ERCC2: variants seen among roughly 807,000 people sequenced by gnomAD.
ERCC2 encodes general transcription and DNA repair factor IIH helicase subunit XPD.
In ERCC2, 90 loss-of-function variants were observed where a neutral mutation model predicts 99.4. That is an observed-to-expected ratio of 0.91 (90% CI 0.76 to 1.08). The LOEUF is 1.08. Among genes scored for constraint, ERCC2 ranks in the 50% least tolerant of loss-of-function variants. The pLI, the probability that ERCC2 is intolerant of heterozygous loss-of-function variation, is 0.00. For synonymous variants in ERCC2, 497 were observed against 432.4 expected, an observed-to-expected ratio of 1.15 and a Z score of -1.85; for missense variants, 993 against 1,038.1, an observed-to-expected ratio of 0.96 and a Z score of 0.60.
At position 45,354,768 on chromosome 19, in the gene ERCC2, G is replaced by A. The variant is rs866704383; in HGVS notation, c.1627C>T (p.Gln543Ter). Residue 543 changes from glutamine to a stop codon, truncating the protein, a stop_gained, in exon 17 of 23, where the codon CAG (glutamine) becomes TAG (stop). Coordinates refer to ENST00000391945, the MANE Select transcript of ERCC2 (RefSeq NM_000400.4). LOFTEE classifies it high-confidence loss of function. ...GAGGCCACGGTGCTCTCCATGTACT[G>A]GTAGCTGGTGAAGAAGGCCACGATG... The part of the protein sequence containing the change: ...DGIVAFFTSY[Q>*]YMESTVASWY... 1.2e-6 allele frequency: 2 copies of A among 1,614,060 alleles called. No individual in the cohort carries two copies. Among genetic ancestry groups the A allele is most frequent in the Non-Finnish European group, 1.7e-6 (2 of 1,179,972 alleles).
At chr19:45,354,336 C>CCTTAATTCTCTAGAATTCCTCT (rs1971938640) in intron 17 of ERCC2, among the ~76,000 whole-genome samples, 1 of 152,196 alleles carries the variant, frequency 6.6e-6, no homozygotes, top group African/African-American at 2.4e-5. Context: ...CTTGGTCCAG[C>CCTTAATTCTCTAGAATTCCTCT]CTTAATTCTC....
intron 11 of ERCC2, among the ~76,000 whole-genome samples, chr19:45,362,375 G>A (rs892051449): frequency 1.3e-5 from 2 of 152,172 alleles, no homozygotes; most frequent in South Asian, 2.1e-4. Context: ...ACACGGTGTC[G>A]GAACCCCATG....
intron 5 of ERCC2, among the ~76,000 whole-genome samples, chr19:45,366,739 T>C: frequency 6.6e-6 from 1 of 152,204 alleles, no homozygotes; most frequent in Non-Finnish European, 1.5e-5. Context: ...CCGAGGCCTG[T>C]GCTCTTTGTC....
At position 45,352,214 on chromosome 19, in the gene ERCC2, G is replaced by A. The variant is rs368866996; in HGVS notation, c.2185C>T (p.His729Tyr). The change falls in exon 22 of 23, where the codon CAC becomes TAC. Residue 729 changes from histidine to tyrosine, a missense_variant. His to Tyr is a moderately conservative substitution (Grantham distance 83). Transcript: ENST00000391945. ...GAGGGGGACGCAGGCCTCACCCGGT[G>A]GAAGGGCTGTGCCATCTGCCGCAGG... Reference protein sequence around the residue: ...YFLRQMAQPFHREDQLGLSLL... With the variant: ...YFLRQMAQPFYREDQLGLSLL... The A allele has an allele frequency of 5.6e-6, 9 of 1,613,708 alleles. No homozygotes were observed. Among genetic ancestry groups the A allele is most frequent in the African/African-American group, 2.7e-5 (2 of 74,904 alleles).
At chr19:45,364,203 C>A in intron 9 of ERCC2, 32 bp downstream of exon 9, 10 of 1,611,890 alleles carry the variant, frequency 6.2e-6, no homozygotes, top group Non-Finnish European at 8.5e-6. Context: ...AGGGGCAGGG[C>A]GGGCACCACC....
At chr19:45,358,771 A>G (rs764067095) in intron 12 of ERCC2, 25 of 768,678 alleles carry the variant, frequency 3.3e-5, no homozygotes, top group Non-Finnish European at 4.6e-5. Context: ...TTTTTTCATG[A>G]TAACTGTCAC....
intron 5 of ERCC2, among the ~76,000 whole-genome samples, chr19:45,366,191 G>A (rs1568543969): frequency 6.6e-6 from 1 of 150,590 alleles, no homozygotes; most frequent in East Asian, 2.0e-4. Flanking sequence ...TGCCCAGGCT[G>A]GAGTGCAATG....
Position 45,351,161 on chromosome 19 carries a change from G to C in ERCC2, c.*468C>G. On this transcript the variant is annotated 3_prime_UTR_variant, in exon 23 of 23. Coordinates refer to ENST00000391945, the MANE Select transcript of ERCC2 (RefSeq NM_000400.4). ...GAGACCCAGGACAGGAGCAAAGATG[G>C]GTTTTACTTGGGGTAGAGGCGAGGG... is the stretch of plus-strand genomic sequence containing the variant. 6.3e-7 allele frequency: 1 copy of C among 1,589,418 alleles called. No individual in the cohort carries two copies.
intron 16 of ERCC2, 77 bp from the exon 17 acceptor site, chr19:45,354,928 G>A (rs1464724937): frequency 3.8e-5 from 61 of 1,595,660 alleles, no homozygotes; most frequent in Non-Finnish European, 5.0e-5. Flanking sequence ...AGGAGTTTCT[G>A]GAAACCCCAC....
In ERCC2 at chr19:45,368,929, C is replaced by A. The variant is rs1238502237; in HGVS notation, c.246+1G>T. ...GAGCACCAGGATGAGTCCCAGCTTA[C>A]CTTCTCAATCTCTGGCACAGTTCTT... On this transcript the variant is annotated splice_donor_variant, in intron 4 of 22. Coordinates refer to ENST00000391945, the MANE Select transcript of ERCC2 (RefSeq NM_000400.4). LOFTEE classifies it high-confidence loss of function. The A allele has an allele frequency of 6.2e-7, 1 of 1,614,042 alleles. No homozygotes were observed. The highest frequency in any genetic ancestry group is 1.7e-5 in the Admixed American group (1 of 60,010).
chr19:45,368,896 TGGGGCTGGAGCA>T (rs1170310454), intron 4 of ERCC2, 22 bp downstream of exon 4: 2 of 1,610,432 alleles, frequency 1.2e-6, no homozygotes, highest in South Asian at 2.2e-5. Flanking sequence ...TAGGGAACAG[TGGGGCTGGAGCA>T]CCAGGATGAG....
intron 5 of ERCC2, among the ~76,000 whole-genome samples, chr19:45,365,754 G>A (rs958048947): frequency 4.0e-5 from 6 of 151,234 alleles, no homozygotes; most frequent in Admixed American, 1.3e-4. Flanking sequence ...TCATGCCACT[G>A]TACTCCACCC....
In ERCC2 at chr19:45,350,258, A is replaced by AT; in HGVS notation, c.*1370_*1371insA. On this transcript the variant is annotated 3_prime_UTR_variant, in exon 23 of 23. Transcript: ENST00000391945. ...GCAACATACCAAGACCCCTGTCTCT[A>AT]CAAAAAAAAAAAAAAAGGCGGGACT... is the stretch of plus-strand genomic sequence containing the variant. 1.3e-5 allele frequency: 12 copies of AT among 913,916 alleles called. No homozygotes were observed. Among genetic ancestry groups the AT allele is most frequent in the Middle Eastern group, 2.8e-4 (1 of 3,620 alleles). The allele number at this position is 913,916 out of a possible 1,614,324, so 56.6% of individuals were successfully genotyped here.
At chr19:45,361,736 C>A in intron 11 of ERCC2, 94 bp from the exon 12 acceptor site, 1 of 969,326 alleles carries the variant, frequency 1.0e-6, no homozygotes, top group East Asian at 2.5e-5. Context: ...ACGTGCCTGT[C>A]TCCCCAGCCA....
At chr19:45,365,286 G>A in intron 5 of ERCC2, 128 bp from the exon 6 acceptor site, 1 of 727,912 alleles carries the variant, frequency 1.4e-6, no homozygotes, top group South Asian at 1.5e-5. Flanking sequence ...TGCATTATTA[G>A]TTAAGACGCG....
rs762985501 is a variant in ERCC2, at chr19:45,352,590, G to A, written c.1962C>T (p.Phe654=). 214 of 1,613,932 alleles carry A rather than the reference G, an allele frequency of 1.3e-4. No homozygotes were observed. Among genetic ancestry groups the A allele is most frequent in the East Asian group, 2.7e-4 (12 of 44,884 alleles). Reference sequence around the variant, plus strand: ...ACTGGGCCGCGTGGCGCATGGCATCGAAGGTAAGAAAGTCATTCTCACGAA... The same window carrying A: ...ACTGGGCCGCGTGGCGCATGGCATCAAAGGTAAGAAAGTCATTCTCACGAA... The part of the protein sequence containing the change: ...FQIRENDFLT[F]DAMRHAAQCV... Residue 654 remains phenylalanine, a synonymous_variant, in exon 21 of 23, where the codon TTC becomes TTT. Transcript: ENST00000391945.
intron 12 of ERCC2, chr19:45,358,390 G>A (rs578022107): frequency 6.2e-4 from 121 of 194,582 alleles, no homozygotes; most frequent in African/African-American, 2.4e-3. Flanking sequence ...CCTGCAATTC[G>A]CCCACTGCCC....
At position 45,351,526 on chromosome 19, in the gene ERCC2, T is replaced by C; in HGVS notation, c.*103A>G. Reference sequence around the variant, plus strand: ...GCTGTGGACGTGACAGTGAGAAATGTCACCTGACTTCATAAGACCTTCTAG... The same window carrying C: ...GCTGTGGACGTGACAGTGAGAAATGCCACCTGACTTCATAAGACCTTCTAG... On this transcript the variant is annotated 3_prime_UTR_variant, in exon 23 of 23. Coordinates refer to ENST00000391945, the MANE Select transcript of ERCC2 (RefSeq NM_000400.4). 1 of 1,601,980 alleles carries C rather than the reference T, an allele frequency of 6.2e-7. No individual in the cohort carries two copies. Among genetic ancestry groups the C allele is most frequent in the Non-Finnish European group, 8.5e-7 (1 of 1,178,580 alleles).
chr19:45,354,920 G>C, intron 16 of ERCC2, 69 bp from the exon 17 acceptor site: 2 of 1,605,212 alleles, frequency 1.2e-6, no homozygotes, highest in South Asian at 1.1e-5. Flanking sequence ...TTAGAACTAG[G>C]AGTTTCTGGA....
Sources: allele counts gnomAD v4.1 joint callset (sites outside exome capture counted in the v4.1 genomes callset), GRCh38; gene constraint gnomAD v4.1.1; transcripts MANE v1.5; gene names NCBI Gene and HGNC (gene_info 2026-07-23, HGNC 2026-07-21).